The following ANAPC16 variants were observed in gnomAD, a reference collection of about 807,000 sequenced individuals.
ANAPC16 encodes anaphase-promoting complex subunit 16.
ANAPC16 carries 6 observed loss-of-function variants against 13.1 expected under a neutral mutation model. The ratio of observed to expected loss-of-function variants is 0.46; its 90% CI spans 0.25 to 0.90. ANAPC16 has a LOEUF of 0.90. ANAPC16 is among the 40% of genes least tolerant of loss of function. The pLI, the probability that ANAPC16 is intolerant of heterozygous loss-of-function variation, is 0.18. For synonymous variants in ANAPC16, 55 were observed against 51.3 expected (o/e 1.07, Z -0.31); for missense variants, 113 against 131.1 (o/e 0.86, Z 0.67).
intron 2 of ANAPC16, among the ~76,000 whole-genome samples, chr10:72,224,854 G>A (rs1412597056): frequency 6.6e-6 from 1 of 152,174 alleles, no homozygotes; most frequent in Non-Finnish European, 1.5e-5. Flanking sequence ...ATGATGCCGT[G>A]TGGTTCTTAT....
rs140886998 is a variant in ANAPC16 at position 72,218,332 on chromosome 10, A to C, written c.-28+2194A>C. Reference sequence around the variant, plus strand: ...GCGTTCCAGTAATGGAACACTAGGCATAAATGGGTTAAATGATGTGTCCAC... The same window carrying C: ...GCGTTCCAGTAATGGAACACTAGGCCTAAATGGGTTAAATGATGTGTCCAC... On this transcript the variant is annotated intron_variant, in intron 1 of 3. Transcript: ENST00000299381. Among the ~76,000 whole-genome samples the C allele has an allele frequency of 7.9e-3, 1,189 of 151,302 alleles. 16 individuals are homozygous for C. The highest frequency in any genetic ancestry group is 0.028 in the African/African-American group (1,133 of 41,154).
rs1192006936 is a variant in ANAPC16 at position 72,216,039 on chromosome 10, G to GT, written c.-125dup. 2 of 152,406 alleles carry GT rather than the reference G, an allele frequency of 1.3e-5. No individual in the cohort carries two copies. Among genetic ancestry groups the GT allele is most frequent in the African/African-American group, 2.4e-5 (1 of 41,472 alleles). The allele number at this position is 152,406 out of a possible 1,614,324, so 9.4% of individuals were successfully genotyped here. A position where few individuals can be genotyped will look rare whatever the true frequency, so the allele number is the denominator to read the frequency against. On this transcript the variant is annotated 5_prime_UTR_variant, in exon 1 of 4. Transcript: ENST00000299381. ...GCCGCCTTCGCCGCTGGCTCCGTCT[G>GT]TTGGGGGGCGAACACGCCGCGGTCC...
At chr10:72,228,758 T>C (rs1042929946) in intron 2 of ANAPC16, among the ~76,000 whole-genome samples, 16 of 152,230 alleles carry the variant, frequency 1.1e-4, no homozygotes, top group Admixed American at 7.9e-4. Flanking sequence ...CACAGGCATA[T>C]AGTGTGGTGG....
Position 72,233,395 on chromosome 10 carries a change from A to T in ANAPC16, c.*279A>T, listed in dbSNP as rs1457549178. ...GTTTGGGGTTAAGAGATACTCAAAA[A>T]TTTTCACAAGCCAAGTAGGGCATAT... On this transcript the variant is annotated 3_prime_UTR_variant, in exon 4 of 4. Transcript: ENST00000299381. 6.5e-6 allele frequency: 2 copies of T among 309,132 alleles called. No individual in the cohort carries two copies. The highest frequency in any genetic ancestry group is 1.1e-4 in the South Asian group (2 of 17,664). The allele number at this position is 309,132 out of a possible 1,614,324, so 19.1% of individuals were successfully genotyped here.
At chr10:72,229,025 T>A (rs561094035) in intron 2 of ANAPC16, among the ~76,000 whole-genome samples, 1 of 151,244 alleles carries the variant, frequency 6.6e-6, no homozygotes, top group Admixed American at 6.5e-5. Context: ...AAACTCTAAT[T>A]GTCTATGCTT....
intron 1 of ANAPC16, among the ~76,000 whole-genome samples, chr10:72,222,034 T>A (rs1329365551): frequency 6.6e-6 from 1 of 151,252 alleles, no homozygotes; most frequent in African/African-American, 2.4e-5. Flanking sequence ...GGCCATTTTT[T>A]CTTTAAAAAA....
At position 72,229,322 on chromosome 10, in the gene ANAPC16, G is replaced by GT. The variant is rs11313857; in HGVS notation, c.143-1033dup. On this transcript the variant is annotated intron_variant, in intron 2 of 3. Coordinates refer to ENST00000299381, the MANE Select transcript of ANAPC16 (RefSeq NM_173473.4). ...CTCTTTGGATACAGTATCTATAGTT[G>GT]TTTTTTTTTTTAATTGGTTATTGTG... Among the ~76,000 whole-genome samples, 839 of 133,196 alleles carry GT rather than the reference G, an allele frequency of 6.3e-3. 4 individuals are homozygous for GT. The highest frequency in any genetic ancestry group is 0.04 in the Middle Eastern group (10 of 252). 87.4% of individuals were successfully genotyped at this position (133,196 alleles called of 152,430 possible).
intron 2 of ANAPC16, among the ~76,000 whole-genome samples, chr10:72,227,299 T>G (rs1297836922): frequency 4.6e-5 from 7 of 152,220 alleles, no homozygotes; most frequent in Non-Finnish European, 1.0e-4. Flanking sequence ...GTCTGAATGT[T>G]GATGTTCTAA....
At chr10:72,232,495 G>C (rs191592269) in intron 3 of ANAPC16, among the ~76,000 whole-genome samples, 255 of 151,128 alleles carry the variant, frequency 1.7e-3, no homozygotes, top group African/African-American at 6.0e-3. Context: ...AGTGAGCCGA[G>C]ATCGCGCCAT....
At chr10:72,230,489 G>A in intron 3 of ANAPC16, 49 bp downstream of exon 3, 1 of 1,527,498 alleles carries the variant, frequency 6.5e-7, no homozygotes, top group South Asian at 1.1e-5. Flanking sequence ...AATTTGCTAG[G>A]GGGTGGATGA....
chr10:72,218,882 G>T (rs1378391923), intron 1 of ANAPC16, among the ~76,000 whole-genome samples: 1 of 152,134 alleles, frequency 6.6e-6, no homozygotes, highest in Non-Finnish European at 1.5e-5. Flanking sequence ...TGGCTGTTTT[G>T]TGTGTGGAAC....
intron 3 of ANAPC16, among the ~76,000 whole-genome samples, chr10:72,231,587 C>T (rs544228237): frequency 6.3e-4 from 96 of 152,250 alleles, no homozygotes; most frequent in Non-Finnish European, 1.1e-3. Context: ...GACGGAGTCT[C>T]TCACTGTCAC....
At chr10:72,229,923 AT>A (rs1180997505) in intron 2 of ANAPC16, among the ~76,000 whole-genome samples, 3 of 152,082 alleles carry the variant, frequency 2.0e-5, no homozygotes, top group Non-Finnish European at 4.4e-5. Flanking sequence ...AAAATCAACA[AT>A]TTTTTCCTCA....
At chr10:72,226,122 TCTC>T (rs1196048371) in intron 2 of ANAPC16, among the ~76,000 whole-genome samples, 2 of 151,224 alleles carry the variant, frequency 1.3e-5, no homozygotes, top group African/African-American at 2.4e-5. Flanking sequence ...TTCAAGTGAT[TCTC>T]CTGCCCCAGC....
At chr10:72,221,787 T>A (rs182659132) in intron 1 of ANAPC16, among the ~76,000 whole-genome samples, 86 of 148,120 alleles carry the variant, frequency 5.8e-4, no homozygotes, top group South Asian at 1.1e-3. Flanking sequence ...TGGAGTGCAA[T>A]GGTGCAGTCT....
At chr10:72,216,316 G>T (rs1225610062) in intron 1 of ANAPC16, 178 bp downstream of exon 1, 2 of 160,956 alleles carry the variant, frequency 1.2e-5, no homozygotes, top group Admixed American at 1.2e-4. Flanking sequence ...GCGCATGCGG[G>T]CCGAGGGCTG....
chr10:72,218,145 C>CAAAAAAAAAAA lies in ANAPC16; in HGVS notation c.-28+2018_-28+2028dup, dbSNP rs142932037. On this transcript the variant is annotated intron_variant, in intron 1 of 3. Coordinates refer to ENST00000299381, the MANE Select transcript of ANAPC16 (RefSeq NM_173473.4). ...GGGCAACAAGAGTGAAACTCTGTCT[C>CAAAAAAAAAAA]AAAAAAAAAAAAAAAAAAAAATATA... Among the ~76,000 whole-genome samples the CAAAAAAAAAAA allele has an allele frequency of 3.7e-4, 13 of 34,872 alleles. 3 individuals carry two copies. Among genetic ancestry groups the CAAAAAAAAAAA allele is most frequent in the African/African-American group, 2.9e-3 (12 of 4,208 alleles). 22.9% of individuals were successfully genotyped at this position (34,872 alleles called of 152,430 possible). A position where few individuals can be genotyped will look rare whatever the true frequency, so the allele number is the denominator to read the frequency against.
At position 72,218,166 on chromosome 10, in the gene ANAPC16, ATATATATATATATATATATAT is replaced by A. The variant is rs1340975346; in HGVS notation, c.-28+2029_-28+2049del. ...GTCTCAAAAAAAAAAAAAAAAAAAA[ATATATATATATATATATATAT>A]ATATATATATATATATATATATATA... On this transcript the variant is annotated intron_variant, in intron 1 of 3. Transcript: ENST00000299381. 6.3e-3 allele frequency among the ~76,000 whole-genome samples: 129 copies of A among 20,346 alleles called. 12 individuals carry two copies. Among genetic ancestry groups the A allele is most frequent in the African/African-American group, 0.021 (97 of 4,612 alleles). 13.3% of individuals were successfully genotyped at this position (20,346 alleles called of 152,430 possible).
At chr10:72,216,801 C>T (rs1249342127) in intron 1 of ANAPC16, 1 of 456,192 alleles carries the variant, frequency 2.2e-6, no homozygotes, top group African/African-American at 2.0e-5. Flanking sequence ...TGAGGATCTC[C>T]ACTGTCAGCC....
Sources: gnomAD v4.1 joint callset for allele counts (sites outside exome capture counted in the v4.1 genomes callset) on GRCh38, gnomAD v4.1.1 for gene constraint, MANE v1.5 for transcripts, NCBI Gene and HGNC (gene_info 2026-07-23, HGNC 2026-07-21) for gene names.